C12orf42: variants seen among roughly 807,000 people sequenced by gnomAD.
The protein encoded by C12orf42 is chromosome 12 open reading frame 42.
In C12orf42, 25 loss-of-function variants were observed where a neutral mutation model predicts 21.6. That is an observed-to-expected ratio of 1.16 (90% CI 0.84 to 1.62). The LOEUF is 1.62. Among genes scored for constraint, C12orf42 ranks in the 40% most tolerant of loss-of-function variants. C12orf42 has a pLI of 0.00. For missense variants in C12orf42, 483 were observed against 459.3 expected, an observed-to-expected ratio of 1.05 and a Z score of -0.47; for synonymous variants, 174 against 175.0, an observed-to-expected ratio of 0.99 and a Z score of 0.05.
the C12orf42 span, among the ~76,000 whole-genome samples, chr12:103,511,609 AGCATAGATAAAT>A: frequency 2.2e-3 from 335 of 152,228 alleles, 1 homozygote; most frequent in African/African-American, 7.6e-3. Flanking sequence ...GTTCTCTAGA[AGCATAGATAAAT>A]GCATCCAATT....
intron 4 of C12orf42, among the ~76,000 whole-genome samples, chr12:103,342,943 C>T (rs7137486): frequency 0.16 from 24,995 of 152,132 alleles, 2,187 homozygotes; most frequent in South Asian, 0.28. Flanking sequence ...AGCTTATACT[C>T]TTCATCTACC....
At chr12:103,139,169 C>G in the C12orf42 span, among the ~76,000 whole-genome samples, 1 of 152,140 alleles carries the variant, frequency 6.6e-6, no homozygotes, top group African/African-American at 2.4e-5. Flanking sequence ...GCCCTTTATC[C>G]ACTGCATGAC....
At chr12:103,373,683 C>A (rs2045457104) in intron 3 of C12orf42, among the ~76,000 whole-genome samples, 1 of 152,166 alleles carries the variant, frequency 6.6e-6, no homozygotes, top group East Asian at 1.9e-4. Flanking sequence ...CCACTGCAGA[C>A]CAAAACCAAA....
the C12orf42 span, among the ~76,000 whole-genome samples, chr12:103,520,516 T>G: frequency 6.7e-6 from 1 of 150,282 alleles, no homozygotes; most frequent in African/African-American, 2.4e-5. Flanking sequence ...TAATAAGACC[T>G]CTGCCCCTAA....
chr12:103,199,522 C>T, the C12orf42 span, among the ~76,000 whole-genome samples: 43 of 152,026 alleles, frequency 2.8e-4, no homozygotes, highest in East Asian at 2.7e-3. Context: ...AATGAGAAGG[C>T]GACTGACAGA....
chr12:103,407,191 T>C (rs1469585437), intron 2 of C12orf42, among the ~76,000 whole-genome samples: 1 of 152,130 alleles, frequency 6.6e-6, no homozygotes, highest in Non-Finnish European at 1.5e-5. Context: ...TCAGGATGAT[T>C]GCAGAGGGGG....
At chr12:103,199,490 C>T in the C12orf42 span, among the ~76,000 whole-genome samples, 2 of 152,128 alleles carry the variant, frequency 1.3e-5, no homozygotes, top group Admixed American at 6.6e-5. Context: ...GTCTTCCTCA[C>T]AGCCAAGAAT....
At chr12:103,281,270 A>C (rs2036097078) in intron 4 of C12orf42, among the ~76,000 whole-genome samples, 1 of 152,150 alleles carries the variant, frequency 6.6e-6, no homozygotes, top group Admixed American at 6.5e-5. Context: ...CACCTAACCC[A>C]CCCTTGTACT....
chr12:103,373,179 C>T (rs1221266288), intron 3 of C12orf42, among the ~76,000 whole-genome samples: 3 of 152,144 alleles, frequency 2.0e-5, no homozygotes, highest in Non-Finnish European at 4.4e-5. Flanking sequence ...CAAACTTTCA[C>T]CACAAAGATA....
At chr12:103,445,602 T>C (rs1257637466) in intron 2 of C12orf42, among the ~76,000 whole-genome samples, 2 of 152,056 alleles carry the variant, frequency 1.3e-5, no homozygotes, top group African/African-American at 4.8e-5. Context: ...CTCATTTTCC[T>C]GTTGTGGTTT....
At chr12:103,066,766 G>A in the C12orf42 span, among the ~76,000 whole-genome samples, 1 of 152,318 alleles carries the variant, frequency 6.6e-6, no homozygotes, top group Non-Finnish European at 1.5e-5. Flanking sequence ...GGGGAAGAGT[G>A]GATGGACCTC....
At chr12:103,295,342 A>T (rs1284475187) in intron 4 of C12orf42, among the ~76,000 whole-genome samples, 2 of 152,214 alleles carry the variant, frequency 1.3e-5, no homozygotes, top group South Asian at 2.1e-4. Flanking sequence ...GGCATCGTGT[A>T]CCCCAATCTG....
chr12:103,235,243 G>C (rs1044765306), downstream of C12orf42, among the ~76,000 whole-genome samples: 2 of 152,104 alleles, frequency 1.3e-5, no homozygotes, highest in Non-Finnish European at 2.9e-5. Context: ...CCCATGGGAG[G>C]CTTTGTGACA....
At chr12:103,165,962 C>A in the C12orf42 span, among the ~76,000 whole-genome samples, 1 of 151,830 alleles carries the variant, frequency 6.6e-6, no homozygotes, top group Non-Finnish European at 1.5e-5. Context: ...ATGGCGTGAA[C>A]CCGGGAGGGG....
the C12orf42 span, among the ~76,000 whole-genome samples, chr12:103,523,091 T>C: frequency 6.6e-6 from 1 of 152,244 alleles, no homozygotes; most frequent in African/African-American, 2.4e-5. Context: ...CTGCTACATC[T>C]AACTTAGCTT....
chr12:103,088,465 T>C, the C12orf42 span, among the ~76,000 whole-genome samples: 1 of 152,244 alleles, frequency 6.6e-6, no homozygotes, highest in Non-Finnish European at 1.5e-5. Flanking sequence ...ATGTGGAGAA[T>C]TAACCAGTTG....
intron 2 of C12orf42, among the ~76,000 whole-genome samples, chr12:103,415,675 C>T (rs898653809): frequency 2.0e-5 from 3 of 152,068 alleles, no homozygotes; most frequent in South Asian, 2.1e-4. Context: ...ATGCCATGAC[C>T]GCCTGAGACT....
chr12:103,241,784 C>T (rs2033759567), intron 10 of C12orf42, among the ~76,000 whole-genome samples: 1 of 152,108 alleles, frequency 6.6e-6, no homozygotes, highest in African/African-American at 2.4e-5. Flanking sequence ...GGCTTCTCCC[C>T]ACCTCTTGGG....
chr12:103,449,081 T>TGATAGATAGATA lies in C12orf42; in HGVS notation c.78+29256_78+29267dup, dbSNP rs56702467. 3.9e-3 allele frequency among the ~76,000 whole-genome samples: 569 copies of TGATAGATAGATA among 146,594 alleles called. 3 individuals are homozygous for TGATAGATAGATA. The highest frequency in any genetic ancestry group is 6.5e-3 in the East Asian group (32 of 4,928). On this transcript the variant is annotated intron_variant, in intron 2 of 5. Transcript: ENST00000548883. ...AATCAATGAGTGGATAAAGAAAATA[T>TGATAGATAGATA]GATAGATAGATAGATAGATAGATAG...
Sources: gnomAD v4.1 joint callset for allele counts (sites outside exome capture counted in the v4.1 genomes callset) on GRCh38, gnomAD v4.1.1 for gene constraint, MANE v1.5 for transcripts, NCBI Gene and HGNC (gene_info 2026-07-23, HGNC 2026-07-21) for gene names.